FAM53A: variants seen among roughly 807,000 people sequenced by gnomAD.
FAM53A encodes protein FAM53A.
A neutral mutation model predicts 26.6 loss-of-function variants in FAM53A; 28 were observed. The ratio of observed to expected loss-of-function variants is 1.05; its 90% CI spans 0.78 to 1.45. The LOEUF is 1.45. Among genes scored for constraint, FAM53A ranks in the 40% most tolerant of loss-of-function variants. The pLI, the probability that FAM53A is intolerant of heterozygous loss-of-function variation, is 0.00. For missense variants in FAM53A, 650 were observed against 575.8 expected, an observed-to-expected ratio of 1.13 and a Z score of -1.32; for synonymous variants, 290 against 253.1, an observed-to-expected ratio of 1.15 and a Z score of -1.38.
the FAM53A span, among the ~76,000 whole-genome samples, chr4:1,591,473 CAG>C: frequency 6.6e-6 from 1 of 152,156 alleles, no homozygotes. Context: ...GACATTCCTA[CAG>C]AGAGTGTTGG....
rs1416157012 is a variant in FAM53A, at chr4:1,630,158, CAG to C, written c.432-12049_432-12048del. On this transcript the variant is annotated intron_variant, in intron 1 of 1. Transcript: ENST00000489029. The surrounding 1 kb of genome is among the most constrained non-coding windows in gnomAD (Gnocchi z 4.3). ...GACAAGGGGACCAACTCCTCACACA[CAG>C]GGGTAGGTCATCCCCTTCCAAGCTG... Among the ~76,000 whole-genome samples the C allele has an allele frequency of 1.3e-5, 2 of 152,190 alleles. No homozygotes were observed. The highest frequency in any genetic ancestry group is 2.9e-5 in the Non-Finnish European group (2 of 68,032).
At chr4:1,666,024 C>A (rs1180177799) in intron 2 of FAM53A, among the ~76,000 whole-genome samples, 55 of 73,218 alleles carry the variant, frequency 7.5e-4, no homozygotes, top group African/African-American at 2.9e-3. Context: ...TGCACCTGCA[C>A]CCCCTGTATC....
At chr4:1,620,901 G>A (rs560827879) in intron 1 of FAM53A, among the ~76,000 whole-genome samples, 5 of 152,028 alleles carry the variant, frequency 3.3e-5, no homozygotes, top group Non-Finnish European at 5.9e-5. Context: ...GGCTGGGATC[G>A]GGTCCCCAGG....
rs114344704 is a variant in FAM53A at position 1,659,332 on chromosome 4, C to T, written c.76-1864G>A. Among the ~76,000 whole-genome samples the T allele has an allele frequency of 6.5e-3, 989 of 152,354 alleles. 11 individuals carry two copies. The highest frequency in any genetic ancestry group is 0.022 in the African/African-American group (928 of 41,582). ...TTGTTGCTGTCGATCCTCCCAGCCC[C>T]GGGCCTCCCCGCAGCAAGCACCAGG... On this transcript the variant is annotated intron_variant, in intron 2 of 4. Coordinates refer to ENST00000308132, the MANE Select transcript of FAM53A (RefSeq NM_001174070.3). The surrounding 1 kb of genome is among the most constrained non-coding windows in gnomAD (Gnocchi z 5.2).
chr4:1,623,086 C>G (rs28650849), intron 1 of FAM53A, among the ~76,000 whole-genome samples: 14,769 of 152,286 alleles, frequency 0.097, 2,062 homozygotes, highest in African/African-American at 0.3. Flanking sequence ...GTGCCTCCCA[C>G]TGTGGCCACC....
chr4:1,657,792 C>T (rs570418315), intron 2 of FAM53A, among the ~76,000 whole-genome samples: 54 of 151,962 alleles, frequency 3.6e-4, no homozygotes, highest in Non-Finnish European at 6.8e-4. Flanking sequence ...CGCCCACCAC[C>T]ACGCCCGGTT....
chr4:1,603,814 C>G, the FAM53A span, among the ~76,000 whole-genome samples: 2 of 152,230 alleles, frequency 1.3e-5, no homozygotes, highest in African/African-American at 4.8e-5. Flanking sequence ...CCCAGGGAGC[C>G]TGGGGTGTGG....
intron 2 of FAM53A, among the ~76,000 whole-genome samples, chr4:1,660,774 A>T (rs990728944): frequency 6.6e-6 from 1 of 151,912 alleles, no homozygotes; most frequent in Non-Finnish European, 1.5e-5. Context: ...CTGTAGTCCC[A>T]GCTACTCAGG....
chr4:1,606,556 C>T, the FAM53A span, among the ~76,000 whole-genome samples: 5 of 152,182 alleles, frequency 3.3e-5, no homozygotes, highest in Admixed American at 6.5e-5. Flanking sequence ...TCCTGCCTAC[C>T]GCGTGACTCA....
chr4:1,652,154 TCACA>T (rs374084814), intron 4 of FAM53A, among the ~76,000 whole-genome samples: 9 of 54,826 alleles, frequency 1.6e-4, no homozygotes, highest in Admixed American at 2.1e-4. Context: ...ACACCACACG[TCACA>T]CACACACCCC....
the FAM53A span, among the ~76,000 whole-genome samples, chr4:1,605,194 C>T: frequency 0.47 from 72,046 of 151,938 alleles, 17,982 homozygotes; most frequent in Admixed American, 0.55. The surrounding 1 kb of genome is among the most constrained non-coding windows in gnomAD (Gnocchi z 5.7). Flanking sequence ...TCAGAGTAGG[C>T]GGTGGGGGTG....
At chr4:1,589,195 G>T in the FAM53A span, among the ~76,000 whole-genome samples, 26,528 of 152,196 alleles carry the variant, frequency 0.17, 2,873 homozygotes, top group Non-Finnish European at 0.25. Context: ...ACAATAAATA[G>T]AGATCCAGTG....
At position 1,641,550 on chromosome 4, in the gene FAM53A, C is replaced by A; in HGVS notation, c.940G>T (p.Asp314Tyr). 1 of 1,614,198 alleles carries A rather than the reference C, an allele frequency of 6.2e-7. No individual in the cohort carries two copies. Among genetic ancestry groups the A allele is most frequent in the Non-Finnish European group, 8.5e-7 (1 of 1,180,020 alleles). ...SLNYEDDDED[D>Y]TPVKTVLSSP... Reference sequence around the variant, plus strand: ...GACAGAACCGTCTTCACTGGGGTGTCATCCTCATCGTCATCTTCGTAATTG... The same window carrying A: ...GACAGAACCGTCTTCACTGGGGTGTAATCCTCATCGTCATCTTCGTAATTG... Residue 314 changes from aspartate to tyrosine, a missense_variant, in exon 5 of 5, where the codon GAC becomes TAC. Asp to Tyr is a radical substitution (Grantham distance 160). Coordinates refer to ENST00000308132, the MANE Select transcript of FAM53A (RefSeq NM_001174070.3).
At chr4:1,613,313 C>T (rs566507398), downstream of FAM53A, among the ~76,000 whole-genome samples, 65 of 152,216 alleles carry the variant, frequency 4.3e-4, no homozygotes, top group Non-Finnish European at 8.8e-4. Flanking sequence ...CCCAATATGG[C>T]GTCCTGTCAC....
intron 1 of FAM53A, among the ~76,000 whole-genome samples, chr4:1,623,723 C>T (rs982412512): frequency 6.6e-6 from 1 of 152,264 alleles, no homozygotes; most frequent in Non-Finnish European, 1.5e-5. Context: ...CGGAGGAGTG[C>T]GGCCGCCGCG....
rs982015575 is a variant in FAM53A, at chr4:1,640,417, G to A, written c.*876C>T. 7 of 279,232 alleles carry A rather than the reference G, an allele frequency of 2.5e-5. No individual in the cohort carries two copies. Among genetic ancestry groups the A allele is most frequent in the African/African-American group, 7.1e-5 (3 of 42,236 alleles). The allele number at this position is 279,232 out of a possible 1,614,324, so 17.3% of individuals were successfully genotyped here. ...TCCTAGCAACTAAAGCACACAAGGC[G>A]CCCTGCACAGCAGGCCTTTCGTGGG... On this transcript the variant is annotated 3_prime_UTR_variant, in exon 5 of 5. Coordinates refer to ENST00000308132, the MANE Select transcript of FAM53A (RefSeq NM_001174070.3).
the FAM53A span, among the ~76,000 whole-genome samples, chr4:1,585,272 CTCTCTTTT>C: frequency 2.7e-3 from 327 of 119,866 alleles, 6 homozygotes; most frequent in East Asian, 0.079. Context: ...CTCTCTCTCT[CTCTCTTTT>C]TTTTTTTTTT....
upstream of FAM53A, among the ~76,000 whole-genome samples, chr4:1,684,737 CCTTCCCGCCTGCCGT>C (rs1479066933): frequency 6.6e-6 from 1 of 152,174 alleles, no homozygotes; most frequent in Non-Finnish European, 1.5e-5. Context: ...GCCGCCGCCG[CCTTCCCGCCTGCCGT>C]CTGCCCGCTG....
At chr4:1,578,628 C>T in the FAM53A span, among the ~76,000 whole-genome samples, 1 of 150,750 alleles carries the variant, frequency 6.6e-6, no homozygotes, top group Non-Finnish European at 1.5e-5. Flanking sequence ...AGCGCCCTGC[C>T]CTCCACGCCC....
Sources: allele counts gnomAD v4.1 joint callset (sites outside exome capture counted in the v4.1 genomes callset), GRCh38; gene constraint gnomAD v4.1.1; non-coding constraint Gnocchi (gnomAD v3.1); transcripts MANE v1.5; gene names NCBI Gene and HGNC (gene_info 2026-07-23, HGNC 2026-07-21).